SGPL1: variants seen among roughly 807,000 people sequenced by gnomAD.
SGPL1 encodes sphingosine-1-phosphate lyase 1.
Under a neutral mutation model 68.9 loss-of-function variants are expected in SGPL1, and 37 were observed. The observed-to-expected ratio is 0.54, with a 90% CI of 0.41 to 0.71. The LOEUF is 0.71. Among genes scored for constraint, SGPL1 ranks in the 30% least tolerant of loss-of-function variants. SGPL1 has a pLI of 0.00. For missense variants in SGPL1, 551 were observed against 704.6 expected (o/e 0.78, Z 2.47); for synonymous variants, 236 against 248.5 (o/e 0.95, Z 0.47).
At position 70,859,457 on chromosome 10, in the gene SGPL1, A is replaced by G. The variant is rs751482444; in HGVS notation, c.573A>G (p.Ile191Met). ...AGATAGAGGCAGAAATCGTGAGGAT[A>G]GCTTGTTCCCTGTTCAATGGGGGAC... ...LRKIEAEIVRIACSLFNGGPD... is the reference protein window; with the variant it reads ...LRKIEAEIVRMACSLFNGGPD... Residue 191 changes from isoleucine to methionine, a missense_variant, in exon 7 of 15, where the codon ATA becomes ATG. Transcript: ENST00000373202. 1 of 1,568,818 alleles carries G rather than the reference A, an allele frequency of 6.4e-7. No homozygotes were observed. Among genetic ancestry groups the G allele is most frequent in the East Asian group, 2.4e-5 (1 of 41,724 alleles).
Position 70,880,267 on chromosome 10 carries a change from C to T in SGPL1, c.*2932C>T, listed in dbSNP as rs1159609231. ...GATACCAAGACCAATGAAAGAGACACAGTTAAGCAGCAATCCATCTCATTT... is the reference window on the plus strand; with the variant it reads ...GATACCAAGACCAATGAAAGAGACATAGTTAAGCAGCAATCCATCTCATTT... On this transcript the variant is annotated 3_prime_UTR_variant, in exon 15 of 15. Transcript: ENST00000373202. 6.6e-6 allele frequency: 1 copy of T among 152,214 alleles called. No homozygotes were observed. The highest frequency in any genetic ancestry group is 1.9e-4 in the East Asian group (1 of 5,192). The allele number at this position is 152,214 out of a possible 1,614,324, so 9.4% of individuals were successfully genotyped here. A position where few individuals can be genotyped will look rare whatever the true frequency, so the allele number is the denominator to read the frequency against.
At chr10:70,826,744 G>C (rs1247360981) in intron 2 of SGPL1, among the ~76,000 whole-genome samples, 7 of 151,670 alleles carry the variant, frequency 4.6e-5, no homozygotes, top group Non-Finnish European at 8.8e-5. Flanking sequence ...TGCATCCTAA[G>C]TTTAGTTTGT....
chr10:70,854,677 C>A (rs1845936119), intron 4 of SGPL1, 31 bp from the exon 5 acceptor site: 2 of 1,590,052 alleles, frequency 1.3e-6, no homozygotes, highest in South Asian at 1.2e-5. Context: ...ACTCTTGCAT[C>A]TGGATAACTT....
intron 7 of SGPL1, among the ~76,000 whole-genome samples, chr10:70,865,717 C>G (rs926601723): frequency 6.6e-6 from 1 of 152,204 alleles, no homozygotes. Context: ...GTTCTTCAGC[C>G]TTAAACTATC....
intron 2 of SGPL1, among the ~76,000 whole-genome samples, chr10:70,833,416 C>A (rs1845576158): frequency 6.6e-6 from 1 of 152,204 alleles, no homozygotes; most frequent in Non-Finnish European, 1.5e-5. Context: ...AAACGTTTCT[C>A]ACAGTCACTA....
intron 3 of SGPL1, among the ~76,000 whole-genome samples, chr10:70,850,258 TC>T: frequency 6.6e-6 from 1 of 152,272 alleles, no homozygotes; most frequent in South Asian, 2.1e-4. Flanking sequence ...CAAGCAGTCC[TC>T]CCACCTCGGC....
At chr10:70,817,206 G>C (rs978611778) in intron 2 of SGPL1, among the ~76,000 whole-genome samples, 1 of 152,094 alleles carries the variant, frequency 6.6e-6, no homozygotes, top group African/African-American at 2.4e-5. Flanking sequence ...TTTTAGTAGA[G>C]ACGGGGTTCT....
chr10:70,862,044 T>TGGCAGGCAGCTCCAGTCC (rs558114120), intron 7 of SGPL1, among the ~76,000 whole-genome samples: 1,893 of 152,346 alleles, frequency 0.012, 20 homozygotes, highest in Non-Finnish European at 0.02. Context: ...AGCGCAGGAC[T>TGGCAGGCAGCTCCAGTCC]GGCAGGCAGC....
chr10:70,876,454 C>A, intron 13 of SGPL1, 87 bp from the exon 14 acceptor site: 1 of 1,259,296 alleles, frequency 7.9e-7, no homozygotes. Context: ...AAAGGGCAAC[C>A]AGGAAATTCC....
At chr10:70,865,485 T>C (rs570018026) in intron 7 of SGPL1, among the ~76,000 whole-genome samples, 2 of 152,214 alleles carry the variant, frequency 1.3e-5, no homozygotes, top group African/African-American at 2.4e-5. Context: ...TTTAGACTTT[T>C]ATAAAATAAC....
chr10:70,879,819 C>G lies in SGPL1; in HGVS notation c.*2484C>G, dbSNP rs1269732700. The G allele has an allele frequency of 6.6e-6, 1 of 152,650 alleles. No homozygotes were observed. Among genetic ancestry groups the G allele is most frequent in the Non-Finnish European group, 1.5e-5 (1 of 68,052 alleles). 9.5% of individuals were successfully genotyped at this position (152,650 alleles called of 1,614,324 possible). On this transcript the variant is annotated 3_prime_UTR_variant, in exon 15 of 15. Coordinates refer to ENST00000373202, the MANE Select transcript of SGPL1 (RefSeq NM_003901.4). The stretch of plus-strand genomic sequence containing the variant: ...TTTTGTGTATGTGTGCATATAGCAG[C>G]TACTCTGTAGCAGAGGTGGGTAGAG...
intron 1 of SGPL1, 21 bp downstream of exon 1, chr10:70,816,147 T>G (rs1845222158): frequency 6.7e-6 from 1 of 149,722 alleles, no homozygotes; most frequent in Admixed American, 6.7e-5. Context: ...CGCCGCGGGC[T>G]CCGGGGGGCG....
chr10:70,822,195 A>G, intron 2 of SGPL1, among the ~76,000 whole-genome samples: 1 of 152,120 alleles, frequency 6.6e-6, no homozygotes, highest in East Asian at 1.9e-4. Flanking sequence ...AGAAAGGGAA[A>G]ATTCATTGGG....
chr10:70,843,658 G>T (rs1391437470), intron 2 of SGPL1, among the ~76,000 whole-genome samples: 4 of 152,094 alleles, frequency 2.6e-5, no homozygotes, highest in African/African-American at 7.3e-5. Flanking sequence ...CAGAGGACAG[G>T]TTTTTTCTTG....
intron 2 of SGPL1, among the ~76,000 whole-genome samples, chr10:70,842,913 G>C (rs553731829): frequency 3.3e-5 from 5 of 152,278 alleles, no homozygotes; most frequent in Admixed American, 2.6e-4. Flanking sequence ...ATTGTGTGCC[G>C]GGCACTCTGC....
chr10:70,849,018 A>G (rs1845835578), intron 3 of SGPL1, among the ~76,000 whole-genome samples: 1 of 152,136 alleles, frequency 6.6e-6, no homozygotes, highest in South Asian at 2.1e-4. Context: ...GGTCAGGGCC[A>G]TGGGATCTTT....
chr10:70,856,749 T>A (rs192515861), intron 5 of SGPL1, among the ~76,000 whole-genome samples: 3 of 152,246 alleles, frequency 2.0e-5, no homozygotes, highest in African/African-American at 7.2e-5. Flanking sequence ...CTTGGCTCCA[T>A]GCAGTTTTTA....
intron 2 of SGPL1, among the ~76,000 whole-genome samples, chr10:70,829,230 C>CAA (rs1845491707): frequency 6.6e-6 from 1 of 152,170 alleles, no homozygotes; most frequent in East Asian, 1.9e-4. Context: ...AGGGCACTCG[C>CAA]AGCCTTCTGA....
intron 2 of SGPL1, among the ~76,000 whole-genome samples, chr10:70,822,907 T>C (rs930609869): frequency 2.6e-5 from 4 of 151,654 alleles, no homozygotes; most frequent in African/African-American, 9.7e-5. Flanking sequence ...ATGCAGATGA[T>C]ATTCACTAAA....
Sources: allele counts gnomAD v4.1 joint callset (sites outside exome capture counted in the v4.1 genomes callset), GRCh38; gene constraint gnomAD v4.1.1; transcripts MANE v1.5; gene names NCBI Gene and HGNC (gene_info 2026-07-23, HGNC 2026-07-21).